The following IL1RAP variants were observed in gnomAD, a reference collection of about 807,000 sequenced individuals.
The protein encoded by IL1RAP is interleukin-1 receptor accessory protein.
Under a neutral mutation model 60.7 loss-of-function variants are expected in IL1RAP, and 35 were observed. The ratio of observed to expected loss-of-function variants is 0.58; its 90% CI spans 0.44 to 0.76. The LOEUF is 0.76. Among genes scored for constraint, IL1RAP ranks in the 30% least tolerant of loss-of-function variants. The pLI is 0.00. For missense variants in IL1RAP, 572 were observed against 693.9 expected, an observed-to-expected ratio of 0.82 and a Z score of 1.97; for synonymous variants, 268 against 250.9, an observed-to-expected ratio of 1.07 and a Z score of -0.64.
chr3:190,547,074 G>GT (rs954741597), intron 1 of IL1RAP, among the ~76,000 whole-genome samples: 14 of 152,092 alleles, frequency 9.2e-5, no homozygotes, highest in African/African-American at 3.4e-4. Flanking sequence ...CCAGTGTTCT[G>GT]TTTTTTTGTA....
At chr3:190,553,591 C>A (rs1417299479) in intron 1 of IL1RAP, among the ~76,000 whole-genome samples, 1 of 152,050 alleles carries the variant, frequency 6.6e-6, no homozygotes, top group South Asian at 2.1e-4. Flanking sequence ...CAGCCCCAGC[C>A]GGGATGGGAC....
At chr3:190,543,599 A>T (rs1361144670) in intron 1 of IL1RAP, among the ~76,000 whole-genome samples, 1 of 152,186 alleles carries the variant, frequency 6.6e-6, no homozygotes. Flanking sequence ...TGGTTTCGGA[A>T]ATATGTCCTG....
chr3:190,654,601 T>C (rs1002647373), downstream of IL1RAP, among the ~76,000 whole-genome samples: 1 of 152,162 alleles, frequency 6.6e-6, no homozygotes, highest in Non-Finnish European at 1.5e-5. Flanking sequence ...AATCCACTGA[T>C]TGAAAAAAAC....
At chr3:190,541,693 T>C (rs572702402) in intron 1 of IL1RAP, among the ~76,000 whole-genome samples, 89 of 152,306 alleles carry the variant, frequency 5.8e-4, no homozygotes, top group African/African-American at 1.9e-3. Context: ...TACATTTTCA[T>C]TGTGCAACTA....
chr3:190,620,489 G>A (rs1046273299), intron 6 of IL1RAP, 49 bp downstream of exon 6: 1 of 1,491,294 alleles, frequency 6.7e-7, no homozygotes, highest in Admixed American at 2.2e-5. Flanking sequence ...TGATCATCTT[G>A]TTATGGTTTT....
intron 5 of IL1RAP, among the ~76,000 whole-genome samples, chr3:190,618,325 A>G (rs1340114065): frequency 6.6e-6 from 1 of 152,256 alleles, no homozygotes; most frequent in Non-Finnish European, 1.5e-5. Context: ...CATGTTTGGA[A>G]TAAGGATCAG....
intron 1 of IL1RAP, among the ~76,000 whole-genome samples, chr3:190,538,243 GC>G (rs1422776383): frequency 6.6e-6 from 1 of 152,190 alleles, no homozygotes; most frequent in Non-Finnish European, 1.5e-5. Context: ...AGCAATAGCA[GC>G]CTCTGGGGGT....
intron 3 of IL1RAP, among the ~76,000 whole-genome samples, chr3:190,565,979 TC>T (rs1417203226): frequency 6.6e-6 from 1 of 151,854 alleles, no homozygotes; most frequent in Non-Finnish European, 1.5e-5. Context: ...TCCTCCCTCT[TC>T]CTCTTCTCTT....
rs1303979614 is a variant in IL1RAP, at chr3:190,518,479, T to G, written c.-89+4260T>G. 3 of 152,208 alleles carry G rather than the reference T, an allele frequency of 2.0e-5. No homozygotes were observed. The East Asian group carries it at 5.8e-4, about 29-fold the overall frequency. 9.4% of individuals were successfully genotyped at this position (152,208 alleles called of 1,614,324 possible). A position where few individuals can be genotyped will look rare whatever the true frequency, so the allele number is the denominator to read the frequency against. On this transcript the variant is annotated intron_variant, in intron 1 of 11. Transcript: ENST00000447382. The stretch of plus-strand genomic sequence containing the variant: ...ATCTTAAATATATCATCTCATTCAA[T>G]CCTCACAATAATCCTGTATATTTTT...
chr3:190,588,492 C>A (rs2108703134), intron 3 of IL1RAP, among the ~76,000 whole-genome samples: 1 of 152,328 alleles, frequency 6.6e-6, no homozygotes, highest in African/African-American at 2.4e-5. Flanking sequence ...GTCCAAAAGT[C>A]CTCAGGGATG....
At chr3:190,545,964 C>T (rs946487046) in intron 1 of IL1RAP, among the ~76,000 whole-genome samples, 1 of 152,114 alleles carries the variant, frequency 6.6e-6, no homozygotes, top group Non-Finnish European at 1.5e-5. Flanking sequence ...TCATTCCCCG[C>T]GTAGTCATAA....
chr3:190,637,424 A>G lies in IL1RAP; in HGVS notation c.1052-6824A>G, dbSNP rs146838985. ...AAGGAATTACACAGTGAGCAGTAAT[A>G]CAGCCTACCTAGATCCTACCATTAA... On this transcript the variant is annotated intron_variant, in intron 9 of 11. Transcript: ENST00000447382. 9.3e-4 allele frequency among the ~76,000 whole-genome samples: 142 copies of G among 152,212 alleles called. 7 individuals carry two copies. The East Asian group carries it at 0.014, about 15-fold the overall frequency.
At chr3:190,607,354 A>G (rs1340165350) in intron 4 of IL1RAP, among the ~76,000 whole-genome samples, 1 of 152,226 alleles carries the variant, frequency 6.6e-6, no homozygotes, top group African/African-American at 2.4e-5. Flanking sequence ...CACAAGTTTT[A>G]CATCCATTCC....
intron 1 of IL1RAP, among the ~76,000 whole-genome samples, chr3:190,526,604 C>T (rs557052441): frequency 9.9e-5 from 15 of 152,250 alleles, no homozygotes; most frequent in Non-Finnish European, 2.2e-4. Flanking sequence ...CATCTCTAAA[C>T]CTCTTTCTTC....
intron 1 of IL1RAP, among the ~76,000 whole-genome samples, chr3:190,546,456 ATGCTGGCATGTTGCTTG>A (rs1362447653): frequency 6.6e-6 from 1 of 152,230 alleles, no homozygotes; most frequent in Non-Finnish European, 1.5e-5. Flanking sequence ...TCCCCACAGC[ATGCTGGCATGTTGCTTG>A]GACTGATTTG....
chr3:190,614,704 A>G (rs1479252260), intron 5 of IL1RAP, among the ~76,000 whole-genome samples: 2 of 152,156 alleles, frequency 1.3e-5, no homozygotes, highest in Non-Finnish European at 2.9e-5. Flanking sequence ...TTACACTTTC[A>G]TATATAATTT....
At chr3:190,531,210 C>G (rs1359152044) in intron 1 of IL1RAP, among the ~76,000 whole-genome samples, 1 of 152,034 alleles carries the variant, frequency 6.6e-6, no homozygotes, top group Non-Finnish European at 1.5e-5. Context: ...TGGACTGTGC[C>G]ACCGTACTCT....
At chr3:190,524,246 G>A (rs2108518135) in intron 1 of IL1RAP, among the ~76,000 whole-genome samples, 1 of 152,168 alleles carries the variant, frequency 6.6e-6, no homozygotes, top group African/African-American at 2.4e-5. Context: ...TCTAGATGCT[G>A]GATATTAGAC....
chr3:190,588,682 A>G (rs1728680887), intron 3 of IL1RAP, among the ~76,000 whole-genome samples: 1 of 152,106 alleles, frequency 6.6e-6, no homozygotes. Flanking sequence ...ATTTTTCTAG[A>G]ATGTTTGTTT....
Sources: allele counts gnomAD v4.1 joint callset (sites outside exome capture counted in the v4.1 genomes callset), GRCh38; gene constraint gnomAD v4.1.1; transcripts MANE v1.5; gene names NCBI Gene and HGNC (gene_info 2026-07-23, HGNC 2026-07-21).